Variants in LRP12 observed in about 807,000 individuals in gnomAD.
LRP12 encodes the protein LDL receptor related protein 12.
LRP12 carries 14 observed loss-of-function variants against 66.0 expected under a neutral mutation model. The ratio of observed to expected loss-of-function variants is 0.21; its 90% CI spans 0.14 to 0.33. LRP12 has a LOEUF of 0.33. LRP12 is among the 10% of genes least tolerant of loss of function. The pLI, the probability that LRP12 is intolerant of heterozygous loss-of-function variation, is 1.00. For missense variants in LRP12, 889 were observed against 1,053.4 expected, an observed-to-expected ratio of 0.84 and a Z score of 2.16; for synonymous variants, 357 against 359.1, an observed-to-expected ratio of 0.99 and a Z score of 0.07.
intron 2 of LRP12, among the ~76,000 whole-genome samples, chr8:104,518,223 T>C (rs1046981545): frequency 6.6e-6 from 1 of 152,124 alleles, no homozygotes; most frequent in African/African-American, 2.4e-5. Context: ...CTGATGATAA[T>C]GTTATAAAAT....
At chr8:104,501,674 AGCCTGG>A (rs1164324171) in intron 3 of LRP12, among the ~76,000 whole-genome samples, 1 of 151,088 alleles carries the variant, frequency 6.6e-6, no homozygotes, top group Non-Finnish European at 1.5e-5. Context: ...ACTGCACCCC[AGCCTGG>A]GCGACAGAGC....
intron 1 of LRP12, among the ~76,000 whole-genome samples, chr8:104,580,496 C>T (rs1230407968): frequency 6.6e-6 from 1 of 151,506 alleles, no homozygotes; most frequent in Non-Finnish European, 1.5e-5. Context: ...TGCCACTGCA[C>T]TCCAGCCTGG....
At chr8:104,573,195 T>C (rs1364593308) in intron 1 of LRP12, among the ~76,000 whole-genome samples, 2 of 152,226 alleles carry the variant, frequency 1.3e-5, no homozygotes, top group Non-Finnish European at 2.9e-5. Flanking sequence ...CAAGTAATCA[T>C]GTTAGTACAC....
At chr8:104,573,937 C>T (rs2140896016) in intron 1 of LRP12, among the ~76,000 whole-genome samples, 1 of 152,166 alleles carries the variant, frequency 6.6e-6, no homozygotes, top group East Asian at 1.9e-4. Flanking sequence ...TGTATTCTAG[C>T]AGATTAAAAT....
rs140209718 is a variant in LRP12 at position 104,538,516 on chromosome 8, A to G, written c.80-6553T>C. ...CATAAAGCTTCTGGAGATCACCTCA[A>G]GCAGAAGTAATTCTTTTAAACTCCT... is the stretch of plus-strand genomic sequence containing the variant. On this transcript the variant is annotated intron_variant, in intron 1 of 6. Transcript: ENST00000276654. Among the ~76,000 whole-genome samples the G allele has an allele frequency of 2.6e-3, 401 of 152,224 alleles. 2 individuals are homozygous for G. The highest frequency in any genetic ancestry group is 9.3e-3 in the African/African-American group (386 of 41,554).
In LRP12 at chr8:104,489,742, A is replaced by C; in HGVS notation, c.*931T>G. On this transcript the variant is annotated 3_prime_UTR_variant, in exon 7 of 7. Transcript: ENST00000276654. Reference sequence around the variant, plus strand: ...ATATATAGTTGCTGTGGTAGCAAATAATAGTATTTAAAGTGATAGTGCTTG... The same window carrying C: ...ATATATAGTTGCTGTGGTAGCAAATCATAGTATTTAAAGTGATAGTGCTTG... 6.6e-6 allele frequency: 1 copy of C among 152,312 alleles called. No homozygotes were observed. Among genetic ancestry groups the C allele is most frequent in the East Asian group, 1.9e-4 (1 of 5,196 alleles). The allele number at this position is 152,312 out of a possible 1,614,324, so 9.4% of individuals were successfully genotyped here. A position where few individuals can be genotyped will look rare whatever the true frequency, so the allele number is the denominator to read the frequency against.
At chr8:104,534,753 G>A (rs1205337343) in intron 1 of LRP12, among the ~76,000 whole-genome samples, 1 of 151,736 alleles carries the variant, frequency 6.6e-6, no homozygotes, top group African/African-American at 2.4e-5. Flanking sequence ...TTGAAGAAGT[G>A]GGCTACTTAA....
intron 2 of LRP12, among the ~76,000 whole-genome samples, chr8:104,514,896 T>C (rs1229395454): frequency 6.6e-6 from 1 of 152,182 alleles, no homozygotes; most frequent in Non-Finnish European, 1.5e-5. Context: ...TAGTAATGCC[T>C]GGAATGCTGT....
chr8:104,495,087 G>A lies in LRP12; in HGVS notation c.1703C>T (p.Ser568Leu). The A allele has an allele frequency of 6.2e-7, 1 of 1,613,402 alleles. No individual in the cohort carries two copies. The highest frequency in any genetic ancestry group is 8.5e-7 in the Non-Finnish European group (1 of 1,179,702). Residue 568 changes from serine to leucine, a missense_variant, in exon 6 of 7, where the codon TCA (serine) becomes TTA (leucine). This residue lies in a region of LRP12 where 800 missense variants were observed against 964.5 expected (regional missense o/e 0.83). Coordinates refer to ENST00000276654, the MANE Select transcript of LRP12 (RefSeq NM_013437.5). ...CACATTGCAATATACCTGATTAGGTGAACAAACAGGAAAATCTTCAACTGG... is the reference window on the plus strand; with the variant it reads ...CACATTGCAATATACCTGATTAGGTAAACAAACAGGAAAATCTTCAACTGG... ...IPPVEDFPVCSPNQASVLENL... is the reference protein window; with the variant it reads ...IPPVEDFPVCLPNQASVLENL...
In LRP12 at chr8:104,490,454, C is replaced by T; in HGVS notation, c.*219G>A. ...AAACAAATGAAAGGACATTATTGAACAATATGAATATGTGATGCATTTTTA... is the reference window on the plus strand; with the variant it reads ...AAACAAATGAAAGGACATTATTGAATAATATGAATATGTGATGCATTTTTA... On this transcript the variant is annotated 3_prime_UTR_variant, in exon 7 of 7. Coordinates refer to ENST00000276654, the MANE Select transcript of LRP12 (RefSeq NM_013437.5). The T allele has an allele frequency of 2.0e-6, 1 of 502,948 alleles. No homozygotes were observed. Among genetic ancestry groups the T allele is most frequent in the Non-Finnish European group, 3.5e-6 (1 of 286,838 alleles). The allele number at this position is 502,948 out of a possible 1,614,324, so 31.2% of individuals were successfully genotyped here.
At chr8:104,584,585 T>G (rs1812302347) in intron 1 of LRP12, among the ~76,000 whole-genome samples, 1 of 152,164 alleles carries the variant, frequency 6.6e-6, no homozygotes, top group Non-Finnish European at 1.5e-5. Context: ...ATAAATCATT[T>G]ACCATACATC....
At chr8:104,524,611 A>G (rs187822440) in intron 2 of LRP12, among the ~76,000 whole-genome samples, 113 of 152,326 alleles carry the variant, frequency 7.4e-4, no homozygotes, top group Admixed American at 4.9e-3. Context: ...AAAGAGCAGG[A>G]GATAAAATTA....
chr8:104,544,464 T>G (rs1233968129), intron 1 of LRP12, among the ~76,000 whole-genome samples: 1 of 152,176 alleles, frequency 6.6e-6, no homozygotes, highest in Non-Finnish European at 1.5e-5. Context: ...GAAGATGTCA[T>G]CTAGGACTTT....
intron 1 of LRP12, among the ~76,000 whole-genome samples, chr8:104,580,913 C>T (rs907963545): frequency 3.9e-5 from 6 of 152,180 alleles, no homozygotes; most frequent in Admixed American, 2.6e-4. Context: ...ATCATTGACC[C>T]AGCAATCCCA....
chr8:104,587,511 C>A (rs1371749275), intron 1 of LRP12, among the ~76,000 whole-genome samples: 1 of 152,172 alleles, frequency 6.6e-6, no homozygotes, highest in Admixed American at 6.5e-5. Flanking sequence ...ACTCTCCTCA[C>A]CAAAACAAAC....
rs564623809 is a variant in LRP12 at position 104,497,267 on chromosome 8, G to A, written c.1285C>T (p.Arg429Cys). 2.8e-5 allele frequency: 46 copies of A among 1,614,126 alleles called. No individual in the cohort carries two copies. In the South Asian group the frequency reaches 4.0e-4, roughly 14 times the overall value. ...TTCTGGTAGTTGCAGCGATCAGAAC[G>A]AGGATAACAGACACCATTTCGGGAA... ...PCSRNGVCYP[R>C]SDRCNYQNHC... The change falls in exon 5 of 7, where the codon CGT (arginine) becomes TGT (cysteine). Residue 429 changes from arginine (R) to cysteine (C), a missense_variant. Arg to Cys is a radical substitution (Grantham distance 180). This residue lies in a region of LRP12 where 800 missense variants were observed against 964.5 expected (regional missense o/e 0.83). Coordinates refer to ENST00000276654, the MANE Select transcript of LRP12 (RefSeq NM_013437.5). The surrounding 1 kb of genome is among the most constrained non-coding windows in gnomAD (Gnocchi z 4.3).
At chr8:104,541,337 A>G (rs1811473084) in intron 1 of LRP12, among the ~76,000 whole-genome samples, 1 of 152,210 alleles carries the variant, frequency 6.6e-6, no homozygotes, top group African/African-American at 2.4e-5. Flanking sequence ...AGCTACTGAT[A>G]AAAGAGCTCA....
At chr8:104,564,379 G>A (rs191597152) in intron 1 of LRP12, among the ~76,000 whole-genome samples, 139 of 152,208 alleles carry the variant, frequency 9.1e-4, no homozygotes, top group Non-Finnish European at 1.5e-3. Flanking sequence ...GTTTCTATAA[G>A]AGCACTTTGA....
intron 1 of LRP12, among the ~76,000 whole-genome samples, chr8:104,536,608 T>A (rs974760541): frequency 1.3e-5 from 2 of 152,030 alleles, no homozygotes; most frequent in Non-Finnish European, 2.9e-5. Context: ...TGAAAATATA[T>A]AAAACAGAAG....
Sources: allele counts gnomAD v4.1 joint callset (sites outside exome capture counted in the v4.1 genomes callset), GRCh38; gene constraint gnomAD v4.1.1; regional missense constraint gnomAD v4.1.1; non-coding constraint Gnocchi (gnomAD v3.1); transcripts MANE v1.5; gene names NCBI Gene and HGNC (gene_info 2026-07-23, HGNC 2026-07-21).